The following ZNF644 variants were observed in gnomAD, a reference collection of about 807,000 sequenced individuals.
ZNF644 encodes the protein zinc finger motif enhancer binding protein 2.
A neutral mutation model predicts 108.0 loss-of-function variants in ZNF644; 20 were observed. The ratio of observed to expected loss-of-function variants is 0.19; its 90% CI spans 0.13 to 0.27. ZNF644 has a LOEUF of 0.27. ZNF644 is among the 10% of genes least tolerant of loss of function. The probability of loss-of-function intolerance (pLI) is 1.00; values close to 1 mark genes in which losing one functional copy is unlikely to be tolerated. For synonymous variants in ZNF644, 542 were observed against 539.1 expected (o/e 1.01, Z -0.08); for missense variants, 1,338 against 1,548.9 (o/e 0.86, Z 2.29).
intron 1 of ZNF644, among the ~76,000 whole-genome samples, chr1:91,014,445 T>TA (rs904232468): frequency 8.6e-5 from 13 of 151,952 alleles, no homozygotes; most frequent in Non-Finnish European, 1.3e-4. Flanking sequence ...GTTCAAATAT[T>TA]AAAAAAAAGT....
intron 1 of ZNF644, among the ~76,000 whole-genome samples, chr1:90,991,473 G>A (rs927182870): frequency 1.3e-5 from 2 of 152,170 alleles, no homozygotes; most frequent in African/African-American, 4.8e-5. Context: ...ATACAATGAT[G>A]TATTAGTCCA....
At chr1:90,934,323 G>T (rs1651086862) in intron 4 of ZNF644, among the ~76,000 whole-genome samples, 1 of 152,064 alleles carries the variant, frequency 6.6e-6, no homozygotes. Flanking sequence ...GAACATATTG[G>T]ATCTAAGTTC....
chr1:91,003,099 C>A, intron 1 of ZNF644, among the ~76,000 whole-genome samples: 1 of 152,232 alleles, frequency 6.6e-6, no homozygotes, highest in Non-Finnish European at 1.5e-5. Context: ...TAAACTACTT[C>A]AACCATTGTG....
chr1:90,983,561 T>C (rs1656787169), intron 1 of ZNF644, among the ~76,000 whole-genome samples: 1 of 151,016 alleles, frequency 6.6e-6, no homozygotes, highest in Admixed American at 6.6e-5. Context: ...TTATTCCGAA[T>C]TATCTGGGTG....
chr1:90,934,734 A>G (rs532585648), intron 4 of ZNF644, among the ~76,000 whole-genome samples: 4 of 152,352 alleles, frequency 2.6e-5, no homozygotes, highest in African/African-American at 9.6e-5. Flanking sequence ...AAGAAGTATT[A>G]AAAGAAAAAT....
intron 1 of ZNF644, among the ~76,000 whole-genome samples, chr1:91,013,313 C>T (rs949780364): frequency 2.6e-5 from 4 of 152,048 alleles, no homozygotes; most frequent in Non-Finnish European, 4.4e-5. Flanking sequence ...TGACCTCAGG[C>T]GATCTGCCGA....
chr1:90,932,506 T>C (rs1254261305), intron 4 of ZNF644, among the ~76,000 whole-genome samples: 1 of 152,164 alleles, frequency 6.6e-6, no homozygotes, highest in Admixed American at 6.5e-5. Flanking sequence ...GATCATGTGT[T>C]CTTGAAAAAT....
At chr1:91,001,732 G>A (rs1658852829) in intron 1 of ZNF644, among the ~76,000 whole-genome samples, 1 of 152,180 alleles carries the variant, frequency 6.6e-6, no homozygotes, top group Non-Finnish European at 1.5e-5. Flanking sequence ...GTTAGGAAAA[G>A]AAGAAGTCAA....
At position 90,940,992 on chromosome 1, in the gene ZNF644, G is replaced by A; in HGVS notation, c.362C>T (p.Ser121Leu). The change falls in exon 3 of 6, where the codon TCA becomes TTA. Residue 121 changes from serine to leucine, a missense_variant. By Grantham distance (145) the Ser-to-Leu change is moderately radical. Transcript: ENST00000337393. Reference sequence around the variant, plus strand: ...GGAAGTCTTAGTTAAGGAGGAGTGTGAAACTGGTCCATTAACAGCAGCTCC... The same window carrying A: ...GGAAGTCTTAGTTAAGGAGGAGTGTAAAACTGGTCCATTAACAGCAGCTCC... Reference protein sequence around the residue: ...PKGAAVNGPVSHSSLTKTSNM... With the variant: ...PKGAAVNGPVLHSSLTKTSNM... The A allele has an allele frequency of 1.2e-6, 2 of 1,614,068 alleles. No individual in the cohort carries two copies. The highest frequency in any genetic ancestry group is 1.7e-6 in the Non-Finnish European group (2 of 1,179,974).
chr1:90,981,445 A>G (rs1265443222), intron 2 of ZNF644, among the ~76,000 whole-genome samples: 1 of 152,028 alleles, frequency 6.6e-6, no homozygotes, highest in Non-Finnish European at 1.5e-5. Context: ...TTCAGTGCAT[A>G]TTACTGAACT....
At chr1:91,008,903 T>C (rs1659688186) in intron 1 of ZNF644, among the ~76,000 whole-genome samples, 1 of 152,148 alleles carries the variant, frequency 6.6e-6, no homozygotes, top group South Asian at 2.1e-4. Context: ...GAAGGCTGTG[T>C]ACCCAAAGCT....
chr1:90,987,726 C>T (rs1000659877), intron 1 of ZNF644, among the ~76,000 whole-genome samples: 1 of 151,974 alleles, frequency 6.6e-6, no homozygotes, highest in Non-Finnish European at 1.5e-5. Flanking sequence ...ACACAACAAG[C>T]AAGAACAAAA....
At chr1:91,018,513 CTAATT>C (rs1660618375) in intron 1 of ZNF644, among the ~76,000 whole-genome samples, 1 of 152,144 alleles carries the variant, frequency 6.6e-6, no homozygotes, top group South Asian at 2.1e-4. Flanking sequence ...TACAAGGTTA[CTAATT>C]TAAAACATTT....
At chr1:90,935,718 C>T (rs1651244272) in intron 4 of ZNF644, among the ~76,000 whole-genome samples, 1 of 152,200 alleles carries the variant, frequency 6.6e-6, no homozygotes, top group African/African-American at 2.4e-5. Context: ...TTAGAGTCAA[C>T]TCATGCTCTT....
chr1:90,955,650 C>G (rs566988396), intron 2 of ZNF644, among the ~76,000 whole-genome samples: 1 of 152,334 alleles, frequency 6.6e-6, no homozygotes, highest in South Asian at 2.1e-4. Context: ...CCTCACCTCT[C>G]TTGGCCTTCA....
At chr1:90,989,279 T>G (rs1032531196) in intron 1 of ZNF644, among the ~76,000 whole-genome samples, 1 of 152,194 alleles carries the variant, frequency 6.6e-6, no homozygotes, top group Non-Finnish European at 1.5e-5. Context: ...CCCAGTGTAG[T>G]GGCTCATGAC....
At chr1:90,936,371 A>C (rs978332526) in intron 4 of ZNF644, among the ~76,000 whole-genome samples, 1 of 152,188 alleles carries the variant, frequency 6.6e-6, no homozygotes, top group Non-Finnish European at 1.5e-5. Context: ...CCTTCTGAAA[A>C]AATATTGAAA....
At chr1:90,941,825 C>T (rs1053071425) in intron 2 of ZNF644, among the ~76,000 whole-genome samples, 1 of 152,046 alleles carries the variant, frequency 6.6e-6, no homozygotes, top group Non-Finnish European at 1.5e-5. Flanking sequence ...GGTAACAAAA[C>T]ACCATTCAGT....
Position 90,918,109 on chromosome 1 carries a change from T to C in ZNF644, c.3734A>G (p.Lys1245Arg), listed in dbSNP as rs140332036. 1.4e-5 allele frequency: 22 copies of C among 1,614,008 alleles called. No individual in the cohort carries two copies. The highest frequency in any genetic ancestry group is 1.9e-5 in the Non-Finnish European group (22 of 1,180,002). Reference protein sequence around the residue: ...QKKSRSRSGSKKKMLTLPHGA... With the variant: ...QKKSRSRSGSRKKMLTLPHGA... ...ATGAGGTAATGTTAGCATTTTCTTCTTGCTTCCAGATCTTGACCTTGATTT... is the reference window on the plus strand; with the variant it reads ...ATGAGGTAATGTTAGCATTTTCTTCCTGCTTCCAGATCTTGACCTTGATTT... Residue 1245 changes from lysine to arginine, a missense_variant, in exon 5 of 6, where the codon AAG becomes AGG. By Grantham distance (26) the Lys-to-Arg change is conservative. Around this residue, in one of 6 missense-constraint regions of ZNF644, gnomAD observed 287 missense variants for 310.9 expected, o/e 0.92. Coordinates refer to ENST00000337393, the MANE Select transcript of ZNF644 (RefSeq NM_201269.3).
Sources: allele counts gnomAD v4.1 joint callset (sites outside exome capture counted in the v4.1 genomes callset), GRCh38; gene constraint gnomAD v4.1.1; regional missense constraint gnomAD v4.1.1; transcripts MANE v1.5; gene names NCBI Gene and HGNC (gene_info 2026-07-23, HGNC 2026-07-21).